PDZD2: variants seen among roughly 807,000 people sequenced by gnomAD.
PDZD2 encodes the protein PDZ domain containing 2, also known as PDZ domain-containing protein 2.
Under a neutral mutation model 220.7 loss-of-function variants are expected in PDZD2, and 90 were observed. The ratio of observed to expected loss-of-function variants is 0.41; its 90% CI spans 0.34 to 0.49. PDZD2 has a LOEUF of 0.49. Ranked by LOEUF, PDZD2 falls within the 20% of genes least tolerant of loss-of-function variation. The pLI, the probability that PDZD2 is intolerant of heterozygous loss-of-function variation, is 0.28. For missense variants in PDZD2, 3,174 were observed against 3,608.5 expected (o/e 0.88, Z 3.08); for synonymous variants, 1,375 against 1,450.5 (o/e 0.95, Z 1.18).
At chr5:31,735,807 C>T (rs544348855) in intron 1 of PDZD2, among the ~76,000 whole-genome samples, 122 of 152,078 alleles carry the variant, frequency 8.0e-4, no homozygotes, top group African/African-American at 2.7e-3. Context: ...TAGCTGGGCA[C>T]GGTAGCATGC....
chr5:31,822,955 C>T, intron 2 of PDZD2: 1 of 1,074,286 alleles, frequency 9.3e-7, no homozygotes, highest in South Asian at 1.2e-5. Flanking sequence ...TCTGTTACCC[C>T]ACCATTTGTC....
intron 1 of PDZD2, among the ~76,000 whole-genome samples, chr5:31,760,449 C>T (rs1030988306): frequency 6.6e-6 from 1 of 152,080 alleles, no homozygotes; most frequent in Admixed American, 6.6e-5. Context: ...ATTAGACATG[C>T]CTAGGTTATC....
At chr5:31,837,560 TAAA>T (rs1757019440) in intron 2 of PDZD2, among the ~76,000 whole-genome samples, 1 of 152,068 alleles carries the variant, frequency 6.6e-6, no homozygotes, top group Non-Finnish European at 1.5e-5. Context: ...CTGTTTCTAC[TAAA>T]AATACAAAAA....
intron 10 of PDZD2, among the ~76,000 whole-genome samples, chr5:32,055,502 A>G (rs555662225): frequency 2.0e-5 from 3 of 151,328 alleles, no homozygotes; most frequent in East Asian, 3.9e-4. Flanking sequence ...TAGCCTGCAC[A>G]TATTTTAAAT....
rs184071765 is a variant in PDZD2, at chr5:31,841,698, T to G, written c.476+41974T>G. Among the ~76,000 whole-genome samples the G allele has an allele frequency of 2.1e-4, 32 of 149,944 alleles. No homozygotes were observed. The East Asian group carries it at 6.1e-3, about 29-fold the overall frequency. ...AAAAAAAGAACAATACCTGGCTAGG[T>G]GCGGTGGCTCACACCTGTAATCCCA... On this transcript the variant is annotated intron_variant, in intron 2 of 24. Coordinates refer to ENST00000438447, the MANE Select transcript of PDZD2 (RefSeq NM_178140.4).
intron 1 of PDZD2, among the ~76,000 whole-genome samples, chr5:31,699,275 C>T (rs761812023): frequency 5.3e-5 from 8 of 151,752 alleles, no homozygotes; most frequent in African/African-American, 1.9e-4. Context: ...AGGTGGTGGG[C>T]GAGGGGTGGG....
chr5:31,729,018 C>T (rs758740287), intron 1 of PDZD2, among the ~76,000 whole-genome samples: 7 of 151,624 alleles, frequency 4.6e-5, no homozygotes, highest in Non-Finnish European at 1.0e-4. Flanking sequence ...CGCGCCCGGC[C>T]GCAATGTGCA....
chr5:31,952,605 G>T (rs1747280293), intron 2 of PDZD2, among the ~76,000 whole-genome samples: 1 of 152,150 alleles, frequency 6.6e-6, no homozygotes, highest in South Asian at 2.1e-4. Context: ...GGACCCTGCA[G>T]ACATTCTTTT....
At chr5:31,806,008 C>T (rs1157054517) in intron 2 of PDZD2, among the ~76,000 whole-genome samples, 4 of 152,140 alleles carry the variant, frequency 2.6e-5, no homozygotes, top group Non-Finnish European at 4.4e-5. Flanking sequence ...TGAGCTCCAG[C>T]GTCTCACCTC....
At chr5:31,647,157 T>C (rs988534053) in intron 1 of PDZD2, among the ~76,000 whole-genome samples, 2 of 152,160 alleles carry the variant, frequency 1.3e-5, no homozygotes, top group Non-Finnish European at 2.9e-5. Flanking sequence ...GTCTTTATCT[T>C]GAGGATCTCT....
At chr5:32,077,869 A>AAT (rs1307922431) in intron 19 of PDZD2, 1 of 383,568 alleles carries the variant, frequency 2.6e-6, no homozygotes, top group Non-Finnish European at 5.0e-6. Context: ...AGGCAGGAGA[A>AAT]TCGCTTGAAC....
At chr5:32,056,632 C>T (rs1361430156) in intron 10 of PDZD2, among the ~76,000 whole-genome samples, 2 of 152,142 alleles carry the variant, frequency 1.3e-5, no homozygotes, top group Non-Finnish European at 1.5e-5. Context: ...CTGACTGTGC[C>T]GCCTTAGAGT....
intron 19 of PDZD2, among the ~76,000 whole-genome samples, chr5:32,082,976 C>G (rs1742111530): frequency 6.6e-6 from 1 of 152,156 alleles, no homozygotes; most frequent in Non-Finnish European, 1.5e-5. Flanking sequence ...TCCAGGCCCC[C>G]TGTTTGTCAC....
At chr5:31,717,166 C>G (rs556850486) in intron 1 of PDZD2, among the ~76,000 whole-genome samples, 1 of 152,170 alleles carries the variant, frequency 6.6e-6, no homozygotes, top group East Asian at 1.9e-4. Context: ...ATCCAAGAGA[C>G]AGCGTGTATT....
intron 2 of PDZD2, among the ~76,000 whole-genome samples, chr5:31,903,225 CAGAGGT>C (rs1742267570): frequency 6.6e-6 from 1 of 151,440 alleles, no homozygotes; most frequent in Non-Finnish European, 1.5e-5. Context: ...ACCCGGGAGG[CAGAGGT>C]TCCAGTGAGC....
rs1024465682 is a variant in PDZD2, at chr5:31,936,085, T to A, written c.477-47070T>A. The A allele has an allele frequency of 6.1e-6, 6 of 987,036 alleles. No homozygotes were observed. The African/African-American group carries it at 8.8e-5, about 14-fold the overall frequency. 61.1% of individuals were successfully genotyped at this position (987,036 alleles called of 1,614,324 possible). On this transcript the variant is annotated intron_variant, in intron 2 of 24. Transcript: ENST00000438447. ...TGAAAAATGATCTGAGTGCTGTGGG[T>A]GGGTGGGGCTCTGGAGCTCAGGAGG...
chr5:31,787,444 T>C (rs1753443994), intron 1 of PDZD2, among the ~76,000 whole-genome samples: 1 of 152,184 alleles, frequency 6.6e-6, no homozygotes, highest in East Asian at 1.9e-4. Flanking sequence ...AGAAATAACT[T>C]CTAATATTCA....
At chr5:31,643,866 C>G (rs1745036118) in intron 1 of PDZD2, among the ~76,000 whole-genome samples, 1 of 151,936 alleles carries the variant, frequency 6.6e-6, no homozygotes, top group African/African-American at 2.4e-5. Context: ...CTCTGTCACC[C>G]AGGCTGCAGT....
chr5:31,978,235 A>G (rs1749959402), intron 2 of PDZD2, among the ~76,000 whole-genome samples: 1 of 152,194 alleles, frequency 6.6e-6, no homozygotes, highest in Non-Finnish European at 1.5e-5. Context: ...ACATGATTGT[A>G]TTCCATTTCT....
Sources: allele counts gnomAD v4.1 joint callset (sites outside exome capture counted in the v4.1 genomes callset), GRCh38; gene constraint gnomAD v4.1.1; transcripts MANE v1.5; gene names NCBI Gene and HGNC (gene_info 2026-07-23, HGNC 2026-07-21).